The following DOCK4 variants were observed in gnomAD, a reference collection of about 807,000 sequenced individuals.
DOCK4 encodes dedicator of cytokinesis protein 4.
In DOCK4, 97 loss-of-function variants were observed where a neutral mutation model predicts 268.1. The observed-to-expected ratio is 0.36, with a 90% confidence interval of 0.31 to 0.43. The LOEUF is 0.43. Among genes scored for constraint, DOCK4 ranks in the 20% least tolerant of loss-of-function variants. The pLI, the probability that DOCK4 is intolerant of heterozygous loss-of-function variation, is 1.00. For synonymous variants in DOCK4, 954 were observed against 887.2 expected (o/e 1.08, Z -1.34); for missense variants, 2,145 against 2,455.7 (o/e 0.87, Z 2.67).
intron 26 of DOCK4, among the ~76,000 whole-genome samples, chr7:111,824,744 T>C (rs1026183964): frequency 1.3e-5 from 2 of 152,072 alleles, no homozygotes; most frequent in Non-Finnish European, 2.9e-5. Flanking sequence ...GGTGAAGGAG[T>C]TGGGGATAGA....
chr7:111,776,408 G>A (rs148438970), intron 36 of DOCK4, among the ~76,000 whole-genome samples: 7 of 152,210 alleles, frequency 4.6e-5, no homozygotes, highest in East Asian at 1.9e-4. Context: ...AAAAATAAAC[G>A]TCTCACTGGA....
rs199822225 is a variant in DOCK4 at position 111,940,539 on chromosome 7, G to A, written c.845-297C>T. 1.7e-4 allele frequency among the ~76,000 whole-genome samples: 26 copies of A among 152,222 alleles called. No homozygotes were observed. The East Asian group carries it at 5.0e-3, about 29-fold the overall frequency. On this transcript the variant is annotated intron_variant, in intron 10 of 52. Coordinates refer to ENST00000428084, the MANE Select transcript of DOCK4 (RefSeq NM_001363540.2). ...TCCCCTGGCCCCTGAGATTCATGAA[G>A]GCATCCCAGGAAGTTCACGTCACTA...
intron 7 of DOCK4, 130 bp downstream of exon 7, chr7:111,984,176 T>C: frequency 1.3e-6 from 1 of 787,150 alleles, no homozygotes; most frequent in Non-Finnish European, 2.0e-6. Context: ...ACCTCAGCTC[T>C]CAAGTCTTTT....
chr7:111,955,634 T>C (rs1266319016), intron 8 of DOCK4, among the ~76,000 whole-genome samples: 3 of 152,202 alleles, frequency 2.0e-5, no homozygotes, highest in Non-Finnish European at 4.4e-5. Flanking sequence ...GAAACAAATA[T>C]CTCTGTTTTT....
chr7:111,874,887 C>T (rs916318319), intron 17 of DOCK4, among the ~76,000 whole-genome samples: 1 of 152,202 alleles, frequency 6.6e-6, no homozygotes, highest in Non-Finnish European at 1.5e-5. Context: ...TGCAAATTTG[C>T]TCTATGAAAC....
At chr7:111,984,468 AT>A in intron 6 of DOCK4, 78 bp from the exon 7 acceptor site, 1 of 1,246,064 alleles carries the variant, frequency 8.0e-7, no homozygotes, top group Non-Finnish European at 1.1e-6. Flanking sequence ...TTTTTACTAT[AT>A]CACTTGGAAA....
intron 1 of DOCK4, among the ~76,000 whole-genome samples, chr7:112,151,764 A>G (rs78508546): frequency 3.6e-5 from 2 of 55,442 alleles, no homozygotes; most frequent in South Asian, 4.1e-4. Flanking sequence ...AGAGATGTGG[A>G]AAAAAAAAAA....
At chr7:112,054,568 C>CA (rs60712659) in intron 1 of DOCK4, among the ~76,000 whole-genome samples, 9,231 of 148,218 alleles carry the variant, frequency 0.062, 678 homozygotes, top group African/African-American at 0.19. Flanking sequence ...GAATTACTGA[C>CA]AAAAAAAAAC....
chr7:111,870,780 G>T (rs945926334), intron 20 of DOCK4, among the ~76,000 whole-genome samples: 1 of 152,158 alleles, frequency 6.6e-6, no homozygotes, highest in African/African-American at 2.4e-5. Context: ...GATTCCACAA[G>T]CCTTATTTGT....
Position 112,127,172 on chromosome 7 carries a change from A to G in DOCK4, c.37+78930T>C, listed in dbSNP as rs1422527598. Among the ~76,000 whole-genome samples, 3 of 151,534 alleles carry G rather than the reference A, an allele frequency of 2.0e-5. No individual in the cohort carries two copies. The South Asian group carries it at 6.3e-4, about 32-fold the overall frequency. ...CTTGGAACCAACCCAAATGTCCAACAATGATAGACTGGATTAAGAAAATGT... is the reference window on the plus strand; with the variant it reads ...CTTGGAACCAACCCAAATGTCCAACGATGATAGACTGGATTAAGAAAATGT... On this transcript the variant is annotated intron_variant, in intron 1 of 52. Coordinates refer to ENST00000428084, the MANE Select transcript of DOCK4 (RefSeq NM_001363540.2).
In DOCK4 at chr7:112,022,475, G is replaced by C. The variant is rs73430898; in HGVS notation, c.38-18344C>G. Among the ~76,000 whole-genome samples the C allele has an allele frequency of 9.9e-3, 1,504 of 152,306 alleles. 36 individuals are homozygous for C. Among genetic ancestry groups the C allele is most frequent in the African/African-American group, 0.034 (1,421 of 41,568 alleles). The stretch of plus-strand genomic sequence containing the variant: ...GAGAGGGAAGCAGGCACAGAGTAGC[G>C]GTGAGGAGCATGGCTCAGGCTTCTG... On this transcript the variant is annotated intron_variant, in intron 1 of 52. Coordinates refer to ENST00000428084, the MANE Select transcript of DOCK4 (RefSeq NM_001363540.2).
rs76521701 is a variant in DOCK4 at position 112,004,108 on chromosome 7, C to T, written c.61G>A (p.Val21Ile). Residue 21 changes from valine to isoleucine, a missense_variant, in exon 2 of 53, where the codon GTT becomes ATT. Physicochemically the swap from Val to Ile is conservative, Grantham distance 29. Transcript: ENST00000428084. ...ATTTCCAATGACAGGCCATATGGAA[C>T]GGTTCCTCGGAAACTGGCAATAACT... ...GVVIASFRGT[V>I]PYGLSLEIGD... 299 of 1,596,786 alleles carry T rather than the reference C, an allele frequency of 1.9e-4. 1 individual carries two copies. In the East Asian group the frequency reaches 5.6e-3, roughly 30 times the overall value.
intron 1 of DOCK4, among the ~76,000 whole-genome samples, chr7:112,176,456 C>T (rs539677063): frequency 6.6e-6 from 1 of 152,296 alleles, no homozygotes; most frequent in Admixed American, 6.5e-5. Context: ...CTTCCCTCTA[C>T]TGTAATGCAG....
intron 1 of DOCK4, among the ~76,000 whole-genome samples, chr7:112,164,514 G>T (rs1172796284): frequency 1.3e-5 from 2 of 152,022 alleles, no homozygotes; most frequent in Non-Finnish European, 2.9e-5. Flanking sequence ...CTTACTCTGT[G>T]CCAGGAACTA....
intron 2 of DOCK4, among the ~76,000 whole-genome samples, chr7:112,003,143 G>A (rs986288575): frequency 1.3e-5 from 2 of 152,102 alleles, no homozygotes; most frequent in East Asian, 3.9e-4. Flanking sequence ...CACTCTGGAA[G>A]GTCAAGGTGG....
At chr7:112,178,105 C>A (rs143061473) in intron 1 of DOCK4, among the ~76,000 whole-genome samples, 3 of 152,368 alleles carry the variant, frequency 2.0e-5, no homozygotes, top group African/African-American at 7.2e-5. Flanking sequence ...CTCTCATTCC[C>A]TGAGACCTTT....
At chr7:112,187,860 CT>C (rs111608419) in intron 1 of DOCK4, among the ~76,000 whole-genome samples, 16 of 151,978 alleles carry the variant, frequency 1.1e-4, no homozygotes, top group Non-Finnish European at 2.4e-4. Context: ...ATTTTCATCC[CT>C]TTTTTTCACA....
At chr7:112,129,754 T>A (rs1813621485) in intron 1 of DOCK4, among the ~76,000 whole-genome samples, 1 of 152,138 alleles carries the variant, frequency 6.6e-6, no homozygotes, top group Non-Finnish European at 1.5e-5. Context: ...TTTAGCTCAT[T>A]CATATGTAGA....
At chr7:112,042,023 G>A (rs1465230396) in intron 1 of DOCK4, among the ~76,000 whole-genome samples, 3 of 152,160 alleles carry the variant, frequency 2.0e-5, no homozygotes, top group East Asian at 1.9e-4. Context: ...TACTCAGGAG[G>A]CTGAGGCAAG....
Sources: allele counts gnomAD v4.1 joint callset (sites outside exome capture counted in the v4.1 genomes callset), GRCh38; gene constraint gnomAD v4.1.1; transcripts MANE v1.5; gene names NCBI Gene and HGNC (gene_info 2026-07-23, HGNC 2026-07-21).